The following SYNE1 variants were observed in gnomAD, a reference collection of about 807,000 sequenced individuals.
SYNE1 encodes the protein spectrin repeat containing nuclear envelope protein 1.
SYNE1 carries 616 observed loss-of-function variants against 1,111.0 expected under a neutral mutation model. That is an observed-to-expected ratio of 0.55 (90% CI 0.52 to 0.59). The LOEUF is 0.59. Among genes scored for constraint, SYNE1 ranks in the 20% least tolerant of loss-of-function variants. SYNE1 has a pLI of 0.00. For synonymous variants in SYNE1, 3,855 were observed against 3,825.8 expected (o/e 1.01, Z -0.28); for missense variants, 10,006 against 10,417.0 (o/e 0.96, Z 1.72).
At chr6:152,616,951 G>A (rs192855836) in intron 3 of SYNE1, among the ~76,000 whole-genome samples, 19 of 152,222 alleles carry the variant, frequency 1.2e-4, no homozygotes, top group Non-Finnish European at 2.4e-4. Context: ...CTGAAAATAA[G>A]GTAGCCAGGC....
rs533807065 is a variant in SYNE1, at chr6:152,195,823, T to G, written c.23145+6001A>C. ...CTGTAACCACTACTTGGCTACTCTC[T>G]ATGTTTGGTCAAGGCCCTAGGCCAT... On this transcript the variant is annotated intron_variant, in intron 127 of 145. Coordinates refer to ENST00000367255, the MANE Select transcript of SYNE1 (RefSeq NM_182961.4). Among the ~76,000 whole-genome samples the G allele has an allele frequency of 2.5e-5, 3 of 117,772 alleles. No individual in the cohort carries two copies. The East Asian group carries it at 6.9e-4, about 27-fold the overall frequency. 77.3% of individuals were successfully genotyped at this position (117,772 alleles called of 152,430 possible).
chr6:152,318,831 TC>T, intron 85 of SYNE1, 31 bp downstream of exon 85: 4 of 1,612,960 alleles, frequency 2.5e-6, no homozygotes, highest in Non-Finnish European at 3.4e-6. Flanking sequence ...TTTAATTCAT[TC>T]AGTAGTACCC....
intron 127 of SYNE1, among the ~76,000 whole-genome samples, chr6:152,200,370 T>C (rs2075161584): frequency 6.6e-6 from 1 of 152,212 alleles, no homozygotes. Flanking sequence ...TAAATGCCCA[T>C]TCCTGCTTTG....
chr6:152,155,816 C>T (rs1032725538), intron 132 of SYNE1, 94 bp downstream of exon 132: 18 of 1,482,950 alleles, frequency 1.2e-5, no homozygotes, highest in South Asian at 1.1e-4. Flanking sequence ...GACATTGTAA[C>T]GAACAGGAAA....
intron 70 of SYNE1, 136 bp downstream of exon 70, chr6:152,351,891 C>G (rs953296101): frequency 9.0e-6 from 7 of 775,222 alleles, no homozygotes; most frequent in Non-Finnish European, 1.5e-5. Flanking sequence ...CATGGCATCA[C>G]TGGTCAGCTG....
chr6:152,614,275 C>G (rs1393697989), intron 3 of SYNE1, among the ~76,000 whole-genome samples: 2 of 151,726 alleles, frequency 1.3e-5, no homozygotes, highest in Admixed American at 1.3e-4. Context: ...ACAAAGAACT[C>G]AAATTTACAA....
At chr6:152,412,249 A>G (rs949913547) in intron 42 of SYNE1, among the ~76,000 whole-genome samples, 2 of 151,864 alleles carry the variant, frequency 1.3e-5, no homozygotes. Context: ...GTGAAACCCC[A>G]TCTCTACTAA....
At position 152,194,008 on chromosome 6, in the gene SYNE1, C is replaced by T. The variant is rs1458382600; in HGVS notation, c.23146-4601G>A. On this transcript the variant is annotated intron_variant, in intron 127 of 145. Transcript: ENST00000367255. ...AGCCTGGGCAGCAGAGCAAGACTGT[C>T]TCGAAAAAAAAAAAAAAAGGTATAG... Among the ~76,000 whole-genome samples, 3 of 87,306 alleles carry T rather than the reference C, an allele frequency of 3.4e-5. No homozygotes were observed. The Admixed American group carries it at 4.2e-4, about 12-fold the overall frequency. The allele number at this position is 87,306 out of a possible 152,430, so 57.3% of individuals were successfully genotyped here. A position where few individuals can be genotyped will look rare whatever the true frequency, so the allele number is the denominator to read the frequency against.
chr6:152,486,001 C>A (rs2098937225), intron 12 of SYNE1, among the ~76,000 whole-genome samples: 1 of 152,078 alleles, frequency 6.6e-6, no homozygotes, highest in Admixed American at 6.6e-5. Flanking sequence ...TTGAGATCAT[C>A]CTGGCCAACA....
intron 3 of SYNE1, among the ~76,000 whole-genome samples, chr6:152,591,626 A>C (rs1325930554): frequency 1.3e-5 from 2 of 152,186 alleles, no homozygotes; most frequent in Non-Finnish European, 2.9e-5. Flanking sequence ...TCAGTTCCCA[A>C]AAGCAATTGC....
chr6:152,550,380 T>TA (rs1188122415), intron 3 of SYNE1, among the ~76,000 whole-genome samples: 1 of 152,110 alleles, frequency 6.6e-6, no homozygotes, highest in Non-Finnish European at 1.5e-5. Context: ...ATCTATTTTT[T>TA]AAAAAACAAA....
chr6:152,149,915 A>C (rs987006789), intron 135 of SYNE1, among the ~76,000 whole-genome samples: 7 of 152,180 alleles, frequency 4.6e-5, no homozygotes, highest in Non-Finnish European at 1.0e-4. Context: ...TGGCTAATAA[A>C]ATTTACCATC....
chr6:152,348,162 C>A (rs1347746413), intron 72 of SYNE1, among the ~76,000 whole-genome samples: 1 of 151,952 alleles, frequency 6.6e-6, no homozygotes, highest in African/African-American at 2.4e-5. Flanking sequence ...TTATTAAGTA[C>A]CTGCTATAGT....
chr6:152,632,987 AAAC>A, intron 2 of SYNE1, among the ~76,000 whole-genome samples: 1 of 152,294 alleles, frequency 6.6e-6, no homozygotes, highest in East Asian at 1.9e-4. Context: ...GGCAGAGCTA[AAAC>A]AACGACTGGT....
chr6:152,169,095 G>A (rs563705080), intron 130 of SYNE1, among the ~76,000 whole-genome samples: 1 of 151,918 alleles, frequency 6.6e-6, no homozygotes, highest in South Asian at 2.1e-4. Context: ...ACATCCTTTA[G>A]GGGATTAAAA....
intron 21 of SYNE1, 79 bp downstream of exon 21, chr6:152,461,518 T>A: frequency 6.4e-7 from 1 of 1,562,714 alleles, no homozygotes; most frequent in African/African-American, 1.4e-5. Context: ...ACTTTGCCCA[T>A]GGGGAGAAGG....
chr6:152,367,276 G>A lies in SYNE1; in HGVS notation c.9914C>T (p.Ser3305Leu). 4 of 1,614,254 alleles carry A rather than the reference G, an allele frequency of 2.5e-6. No individual in the cohort carries two copies. Among genetic ancestry groups the A allele is most frequent in the South Asian group, 1.1e-5 (1 of 91,090 alleles). The change falls in exon 62 of 146, where the codon TCA becomes TTA. Residue 3305 changes from serine (S) to leucine (L), a missense_variant. Physicochemically the swap from Ser to Leu is moderately radical, Grantham distance 145. This residue lies in a region of SYNE1 where 4,955 missense variants were observed against 5,017.2 expected (regional missense o/e 0.99). Transcript: ENST00000367255. ...WMTDAIHMLDSYCHPTSDKSV... is the reference protein window; with the variant it reads ...WMTDAIHMLDLYCHPTSDKSV... ...TTTGTCGGATGTCGGGTGGCAGTAT[G>A]AATCCAGCATGTGAATCGCATCCGT...
At chr6:152,310,666 T>C (rs921853956) in intron 88 of SYNE1, 22 bp downstream of exon 88, 5 of 1,610,396 alleles carry the variant, frequency 3.1e-6, no homozygotes, top group South Asian at 1.1e-5. Flanking sequence ...TTTTTCTGTT[T>C]CTTTTTTTTT....
chr6:152,489,340 A>G (rs1564406259), intron 11 of SYNE1, among the ~76,000 whole-genome samples: 1 of 152,102 alleles, frequency 6.6e-6, no homozygotes, highest in Non-Finnish European at 1.5e-5. Flanking sequence ...AGGTAAAATG[A>G]CTGTCCCCCT....
Sources: gnomAD v4.1 joint callset for allele counts (sites outside exome capture counted in the v4.1 genomes callset) on GRCh38, gnomAD v4.1.1 for gene constraint, gnomAD v4.1.1 regional missense constraint, MANE v1.5 for transcripts, NCBI Gene and HGNC (gene_info 2026-07-23, HGNC 2026-07-21) for gene names.